The following SPATA17 variants were observed in gnomAD, a reference collection of about 807,000 sequenced individuals.
SPATA17 encodes spermatogenesis associated 17, also known as spermatogenesis-associated protein 17.
Under a neutral mutation model 62.2 loss-of-function variants are expected in SPATA17, and 53 were observed. The ratio of observed to expected loss-of-function variants is 0.85; its 90% CI spans 0.68 to 1.07. The LOEUF (loss-of-function observed/expected upper bound fraction) is 1.07, where lower values mean the gene tolerates loss of function less well. Among genes scored for constraint, SPATA17 ranks in the 50% least tolerant of loss-of-function variants. The pLI, the probability that SPATA17 is intolerant of heterozygous loss-of-function variation, is 0.00. For synonymous variants in SPATA17, 146 were observed against 146.8 expected, an observed-to-expected ratio of 0.99 and a Z score of 0.04; for missense variants, 466 against 425.5, an observed-to-expected ratio of 1.10 and a Z score of -0.84.
chr1:217,814,580 G>A (rs1571823226), intron 9 of SPATA17, among the ~76,000 whole-genome samples: 1 of 152,104 alleles, frequency 6.6e-6, no homozygotes, highest in Admixed American at 6.6e-5. Flanking sequence ...AGGTGCAATG[G>A]CTCACTCCTG....
At position 217,751,415 on chromosome 1, in the gene SPATA17, A is replaced by C. The variant is rs74144403; in HGVS notation, c.519+9317A>C. ...TCTTTGGATCCATAGTTTAAGAGGC[A>C]GGTCCTCAAGTCTGGACATTTGTTC... On this transcript the variant is annotated intron_variant, in intron 6 of 10. Transcript: ENST00000366933. Among the ~76,000 whole-genome samples, 1,334 of 152,330 alleles carry C rather than the reference A, an allele frequency of 8.8e-3. 17 individuals are homozygous for C. The highest frequency in any genetic ancestry group is 0.031 in the African/African-American group (1,279 of 41,578).
chr1:217,831,923 G>A (rs1675152825), intron 9 of SPATA17, among the ~76,000 whole-genome samples: 3 of 152,092 alleles, frequency 2.0e-5, no homozygotes, highest in Non-Finnish European at 4.4e-5. Flanking sequence ...TCATATGACT[G>A]AATCCTATAA....
intron 1 of SPATA17, among the ~76,000 whole-genome samples, chr1:217,632,297 C>G (rs962227869): frequency 6.6e-6 from 1 of 152,140 alleles, no homozygotes; most frequent in African/African-American, 2.4e-5. Flanking sequence ...AAGAAAACCA[C>G]TAGCAGTCTT....
rs1571821296 is a variant in SPATA17 at position 217,811,490 on chromosome 1, A to G, written c.1005+9640A>G. 4.0e-5 allele frequency among the ~76,000 whole-genome samples: 6 copies of G among 151,160 alleles called. No homozygotes were observed. In the South Asian group the frequency reaches 1.3e-3, roughly 32 times the overall value. On this transcript the variant is annotated intron_variant, in intron 9 of 10. Transcript: ENST00000366933. ...CTCCCTGCCTTCCTTATTTCTCCCC[A>G]TCTTCTTATCTCTTAAAATAAACAA... is the stretch of plus-strand genomic sequence containing the variant.
At chr1:217,653,985 A>G (rs781344905) in intron 3 of SPATA17, among the ~76,000 whole-genome samples, 3 of 152,142 alleles carry the variant, frequency 2.0e-5, no homozygotes, top group African/African-American at 7.2e-5. Flanking sequence ...ATGTAATCAA[A>G]TATCAGTGCT....
chr1:217,689,796 A>G (rs1389420577), intron 5 of SPATA17, among the ~76,000 whole-genome samples: 1 of 151,442 alleles, frequency 6.6e-6, no homozygotes, highest in Admixed American at 6.6e-5. Flanking sequence ...CACTTTTTGC[A>G]TTTATCATCT....
chr1:217,752,526 C>T (rs982483539), intron 6 of SPATA17, among the ~76,000 whole-genome samples: 1 of 152,102 alleles, frequency 6.6e-6, no homozygotes, highest in Admixed American at 6.5e-5. Context: ...TATTGTTATA[C>T]TTTCTGAAGT....
chr1:217,757,531 A>G (rs759396819), intron 6 of SPATA17, among the ~76,000 whole-genome samples: 2 of 152,154 alleles, frequency 1.3e-5, no homozygotes, highest in African/African-American at 2.4e-5. Context: ...TGATGCACAA[A>G]CTGCAAACCC....
At chr1:217,812,667 T>A (rs565200558) in intron 9 of SPATA17, among the ~76,000 whole-genome samples, 13 of 152,314 alleles carry the variant, frequency 8.5e-5, no homozygotes, top group Non-Finnish European at 1.5e-5. Context: ...ATAAGGAGAA[T>A]CTACCCGTCA....
intron 9 of SPATA17, among the ~76,000 whole-genome samples, chr1:217,837,228 TA>T (rs1295150963): frequency 6.6e-6 from 1 of 152,122 alleles, no homozygotes; most frequent in African/African-American, 2.4e-5. Context: ...TTAAAAACAG[TA>T]ATATGGCTAA....
At chr1:217,700,883 G>A (rs1042517893) in intron 5 of SPATA17, among the ~76,000 whole-genome samples, 1 of 151,264 alleles carries the variant, frequency 6.6e-6, no homozygotes, top group African/African-American at 2.4e-5. Context: ...TGGGATTACG[G>A]TTATGAGGCA....
chr1:217,650,426 CT>C (rs1378949218), intron 2 of SPATA17, among the ~76,000 whole-genome samples: 3 of 151,598 alleles, frequency 2.0e-5, no homozygotes, highest in Admixed American at 6.6e-5. Flanking sequence ...CTTTCTCTCT[CT>C]TTTTTTTGAG....
chr1:217,726,462 C>T (rs1006907044), intron 5 of SPATA17, among the ~76,000 whole-genome samples: 1 of 152,208 alleles, frequency 6.6e-6, no homozygotes, highest in African/African-American at 2.4e-5. Context: ...TCCCTTTTAT[C>T]CCCAAGTCTT....
At chr1:217,815,219 G>T (rs1385860282) in intron 9 of SPATA17, among the ~76,000 whole-genome samples, 1 of 152,106 alleles carries the variant, frequency 6.6e-6, no homozygotes, top group Non-Finnish European at 1.5e-5. Context: ...CAAATGACTG[G>T]AAATATGAAT....
At chr1:217,840,784 AG>A (rs1415940496) in intron 9 of SPATA17, among the ~76,000 whole-genome samples, 1 of 151,994 alleles carries the variant, frequency 6.6e-6, no homozygotes, top group Admixed American at 6.6e-5. Context: ...GCTTGAGCCC[AG>A]AAGGTTAAGG....
At chr1:217,765,724 G>A (rs1000199698) in intron 6 of SPATA17, among the ~76,000 whole-genome samples, 2 of 152,040 alleles carry the variant, frequency 1.3e-5, no homozygotes, top group African/African-American at 4.8e-5. Flanking sequence ...ATATGAGTCT[G>A]AGAAGACTCT....
intron 6 of SPATA17, among the ~76,000 whole-genome samples, chr1:217,760,057 C>T (rs1673134825): frequency 6.6e-6 from 1 of 152,188 alleles, no homozygotes; most frequent in Middle Eastern, 3.4e-3. Context: ...ATAGTACACC[C>T]AAAAATCCAG....
intron 2 of SPATA17, 81 bp from the exon 3 acceptor site, chr1:217,651,016 T>C: frequency 9.7e-7 from 1 of 1,034,002 alleles, no homozygotes. Context: ...ATTCTTGAAT[T>C]GTAGGAGAGT....
At chr1:217,672,162 C>A (rs1330860426) in intron 4 of SPATA17, among the ~76,000 whole-genome samples, 1 of 152,164 alleles carries the variant, frequency 6.6e-6, no homozygotes, top group East Asian at 1.9e-4. Context: ...GGCCCAGATA[C>A]CTTTGTGTTG....
Sources: gnomAD v4.1 joint callset for allele counts (sites outside exome capture counted in the v4.1 genomes callset) on GRCh38, gnomAD v4.1.1 for gene constraint, MANE v1.5 for transcripts, NCBI Gene and HGNC (gene_info 2026-07-23, HGNC 2026-07-21) for gene names.